Variants in TWF1 observed in about 807,000 individuals in gnomAD.
TWF1 encodes twinfilin actin binding protein 1, also known as twinfilin-1.
TWF1 carries 14 observed loss-of-function variants against 47.9 expected under a neutral mutation model. The observed-to-expected ratio is 0.29, with a 90% CI of 0.19 to 0.46. The LOEUF (loss-of-function observed/expected upper bound fraction) is 0.46. Among genes scored for constraint, TWF1 ranks in the 20% least tolerant of loss-of-function variants. TWF1 has a pLI of 1.00. For synonymous variants in TWF1, 96 were observed against 139.2 expected (o/e 0.69, Z 2.18); for missense variants, 281 against 409.3 (o/e 0.69, Z 2.70).
In TWF1 at chr12:43,797,698, C is replaced by T. The variant is rs1232986890; in HGVS notation, c.609+10G>A. 2 of 1,610,454 alleles carry T rather than the reference C, an allele frequency of 1.2e-6. No individual in the cohort carries two copies. The highest frequency in any genetic ancestry group is 1.7e-6 in the Non-Finnish European group (2 of 1,178,994). ...GAGCAGCCACTTAATAATCATTATA[C>T]ATCTCTTACCAACTGCACATAGTTG... On this transcript the variant is annotated intron_variant, in intron 6 of 8. Transcript: ENST00000395510.
At chr12:43,801,135 T>C (rs1333221834) in intron 3 of TWF1, among the ~76,000 whole-genome samples, 4 of 152,220 alleles carry the variant, frequency 2.6e-5, no homozygotes, top group African/African-American at 9.6e-5. Context: ...AATTAAAATA[T>C]GAGGAAAACT....
chr12:43,805,976 C>T (rs755481575), intron 1 of TWF1: 9 of 1,544,498 alleles, frequency 5.8e-6, no homozygotes, highest in Non-Finnish European at 7.8e-6. Flanking sequence ...AGCCAATTTC[C>T]TTCGCTCCCC....
At position 43,804,528 on chromosome 12, in the gene TWF1, T is replaced by G; in HGVS notation, c.70A>C (p.Lys24Gln). The G allele has an allele frequency of 6.2e-7, 1 of 1,602,668 alleles. No individual in the cohort carries two copies. Among genetic ancestry groups the G allele is most frequent in the Non-Finnish European group, 8.5e-7 (1 of 1,175,436 alleles). ...KEIFARARNGKYRLLKISIEN... is the reference protein window; with the variant it reads ...KEIFARARNGQYRLLKISIEN... ...ATAGATATTTTCAGAAGTCTGTACTTTCCATTTCTGGCTCTGGCAAAGATC... is the reference window on the plus strand; with the variant it reads ...ATAGATATTTTCAGAAGTCTGTACTGTCCATTTCTGGCTCTGGCAAAGATC... Residue 24 changes from lysine to glutamine, a missense_variant, in exon 2 of 9, where the codon AAG becomes CAG. Physicochemically the swap from Lys to Gln is moderately conservative, Grantham distance 53. Transcript: ENST00000395510.
At position 43,806,083 on chromosome 12, in the gene TWF1, G is replaced by T; in HGVS notation, c.25+138C>A. ...CCGGGAAGCAGGAGCGCGGAGAGGC[G>T]CCGAGGCCCGGCTCGCCCCGCGAGA... On this transcript the variant is annotated intron_variant, in intron 1 of 8. Transcript: ENST00000395510. 6.6e-6 allele frequency: 10 copies of T among 1,518,058 alleles called. No individual in the cohort carries two copies. The Middle Eastern group carries it at 6.7e-4, about 101-fold the overall frequency. The allele number at this position is 1,518,058 out of a possible 1,614,324, so 94.0% of individuals were successfully genotyped here.
At chr12:43,802,558 C>A (rs887592297) in intron 2 of TWF1, 94 bp from the exon 3 acceptor site, 11 of 909,766 alleles carry the variant, frequency 1.2e-5, no homozygotes, top group Non-Finnish European at 1.2e-5. Flanking sequence ...ATAGTCATTT[C>A]CCAGTTACTA....
In TWF1 at chr12:43,795,761, A is replaced by G. The variant is rs1297134047; in HGVS notation, c.883-6T>C. 5.0e-6 allele frequency: 8 copies of G among 1,611,990 alleles called. No individual in the cohort carries two copies. The Admixed American group carries it at 6.7e-5, about 14-fold the overall frequency. On this transcript the variant is annotated splice_region_variant and splice_polypyrimidine_tract_variant and intron_variant, in intron 8 of 8. Coordinates refer to ENST00000395510, the MANE Select transcript of TWF1 (RefSeq NM_002822.5). ...TCCCCATTGTCTATCTCGATCTGTA[A>G]AAGATAAAATTAGAAGCACAACATT...
At chr12:43,804,309 C>T in intron 2 of TWF1, 186 bp downstream of exon 2, 1 of 588,182 alleles carries the variant, frequency 1.7e-6, no homozygotes, top group Non-Finnish European at 3.1e-6. Flanking sequence ...CTGATAGTCA[C>T]ATAATTCAGA....
chr12:43,796,332 T>C (rs189139220), intron 8 of TWF1, among the ~76,000 whole-genome samples: 1 of 152,238 alleles, frequency 6.6e-6, no homozygotes, highest in East Asian at 1.9e-4. Flanking sequence ...TTAAAAAGCA[T>C]GAAGGGTTCA....
intron 2 of TWF1, among the ~76,000 whole-genome samples, chr12:43,803,568 A>G (rs1401914839): frequency 6.6e-6 from 1 of 152,112 alleles, no homozygotes; most frequent in Non-Finnish European, 1.5e-5. Context: ...AAGTAGTGCC[A>G]TTTTCCTTCC....
At chr12:43,806,026 C>G in intron 1 of TWF1, 195 bp downstream of exon 1, 1 of 1,521,850 alleles carries the variant, frequency 6.6e-7, no homozygotes. Flanking sequence ...GCAGCAGGGA[C>G]CGGGCTGGAG....
Position 43,802,337 on chromosome 12 carries a change from A to G in TWF1, c.231T>C (p.Asn77=). The G allele has an allele frequency of 2.5e-6, 4 of 1,591,476 alleles. No homozygotes were observed. The highest frequency in any genetic ancestry group is 3.4e-6 in the Non-Finnish European group (4 of 1,171,348). ...TGAATATCCATTCATATCCCTGGGC[A>G]TTCTGAGAATCTAACCTGAATAATA... ...CYILFRLDSQ[N]AQGYEWIFIA... The change falls in exon 3 of 9, where the codon AAT becomes AAC. Residue 77 remains asparagine (N), a synonymous_variant. Transcript: ENST00000395510.
chr12:43,797,537 A>C (rs1157028280), intron 6 of TWF1, 85 bp from the exon 7 acceptor site: 2 of 1,368,040 alleles, frequency 1.5e-6, no homozygotes, highest in Non-Finnish European at 2.0e-6. Context: ...CCAAGAGATA[A>C]AGGAGGAACT....
intron 1 of TWF1, chr12:43,805,758 G>T: frequency 3.7e-6 from 5 of 1,335,506 alleles, no homozygotes; most frequent in Non-Finnish European, 5.0e-6. Flanking sequence ...ATGTGAGAAA[G>T]ATTCTGGCAT....
intron 5 of TWF1, among the ~76,000 whole-genome samples, chr12:43,798,871 A>C (rs981206910): frequency 2.0e-5 from 3 of 152,098 alleles, no homozygotes; most frequent in African/African-American, 7.2e-5. Context: ...TGGCTGTAGA[A>C]AACACATTAA....
At chr12:43,802,607 C>A in intron 2 of TWF1, 143 bp from the exon 3 acceptor site, 1 of 622,354 alleles carries the variant, frequency 1.6e-6, no homozygotes, top group Non-Finnish European at 2.8e-6. Context: ...AATGTGGTAA[C>A]ATAGAAAGTA....
chr12:43,796,939 T>G, intron 8 of TWF1, 37 bp downstream of exon 8: 2 of 1,594,918 alleles, frequency 1.3e-6, no homozygotes, highest in Non-Finnish European at 1.7e-6. Flanking sequence ...AAAGAAAAAT[T>G]TAGCAAAAAC....
chr12:43,800,547 G>C lies in TWF1; in HGVS notation c.283-17C>G, dbSNP rs1942641105. ...TTGACGAACCTATTCAGTTGTGAAA[G>C]TTTACTTAGTTTATAGATGAAAACA... is the stretch of plus-strand genomic sequence containing the variant. On this transcript the variant is annotated splice_polypyrimidine_tract_variant and intron_variant, in intron 3 of 8. Coordinates refer to ENST00000395510, the MANE Select transcript of TWF1 (RefSeq NM_002822.5). 6.4e-7 allele frequency: 1 copy of C among 1,574,520 alleles called. No individual in the cohort carries two copies. Among genetic ancestry groups the C allele is most frequent in the East Asian group, 2.2e-5 (1 of 44,604 alleles).
Position 43,805,921 on chromosome 12 carries a change from C to A in TWF1, c.25+300G>T. The A allele has an allele frequency of 6.0e-6, 9 of 1,510,100 alleles. No individual in the cohort carries two copies. In the South Asian group the frequency reaches 1.0e-4, roughly 17 times the overall value. 93.5% of individuals were successfully genotyped at this position (1,510,100 alleles called of 1,614,324 possible). ...AAAAGGGGGAAAGTTGGGCGACTGT[C>A]GGGGACGGTGGAAGGCACGCCCCCT... On this transcript the variant is annotated intron_variant, in intron 1 of 8. Coordinates refer to ENST00000395510, the MANE Select transcript of TWF1 (RefSeq NM_002822.5).
At chr12:43,796,036 T>G (rs1395124151) in intron 8 of TWF1, among the ~76,000 whole-genome samples, 1 of 152,204 alleles carries the variant, frequency 6.6e-6, no homozygotes, top group Non-Finnish European at 1.5e-5. Context: ...GTTGCTATGA[T>G]ACACTATTTA....
Sources: gnomAD v4.1 joint callset for allele counts (sites outside exome capture counted in the v4.1 genomes callset) on GRCh38, gnomAD v4.1.1 for gene constraint, MANE v1.5 for transcripts, NCBI Gene and HGNC (gene_info 2026-07-23, HGNC 2026-07-21) for gene names.